HDAC9: variants seen among roughly 807,000 people sequenced by gnomAD.
HDAC9 encodes MEF-2 interacting transcription repressor (MITR) protein.
A neutral mutation model predicts 139.4 loss-of-function variants in HDAC9; 41 were observed. The ratio of observed to expected loss-of-function variants is 0.29; its 90% CI spans 0.23 to 0.38. HDAC9 has a LOEUF of 0.38. HDAC9 is among the 10% of genes least tolerant of loss of function. HDAC9 has a pLI of 1.00. For missense variants in HDAC9, 1,147 were observed against 1,297.0 expected (o/e 0.88, Z 1.78); for synonymous variants, 517 against 476.2 (o/e 1.09, Z -1.12).
chr7:18,976,517 G>T (rs910346586), intron 25 of HDAC9, among the ~76,000 whole-genome samples: 10 of 152,148 alleles, frequency 6.6e-5, no homozygotes, highest in Non-Finnish European at 1.0e-4. Context: ...TGAACTTGGG[G>T]CTGATTTTAT....
intron 1 of HDAC9, among the ~76,000 whole-genome samples, chr7:18,355,459 TA>T (rs1416580120): frequency 6.6e-6 from 1 of 152,130 alleles, no homozygotes; most frequent in African/African-American, 2.4e-5. Flanking sequence ...AATTTAGGAT[TA>T]AAAAAATTCT....
intron 1 of HDAC9, among the ~76,000 whole-genome samples, chr7:18,420,424 G>A (rs1693781257): frequency 6.6e-6 from 1 of 152,134 alleles, no homozygotes; most frequent in Non-Finnish European, 1.5e-5. Flanking sequence ...TGAAGGATAG[G>A]CCCTGGTATA....
chr7:18,627,016 AAT>A (rs1229066551), intron 6 of HDAC9, among the ~76,000 whole-genome samples: 2 of 152,124 alleles, frequency 1.3e-5, no homozygotes, highest in Non-Finnish European at 2.9e-5. Flanking sequence ...TAGTACCAAT[AAT>A]ATGTTTCATA....
At chr7:18,895,943 G>A (rs1328700491) in intron 22 of HDAC9, among the ~76,000 whole-genome samples, 1 of 152,056 alleles carries the variant, frequency 6.6e-6, no homozygotes, top group African/African-American at 2.4e-5. Flanking sequence ...TTTCTTAGGT[G>A]TGGATTTTGT....
At chr7:18,292,853 C>T (rs1797898335) in intron 1 of HDAC9, among the ~76,000 whole-genome samples, 1 of 152,034 alleles carries the variant, frequency 6.6e-6, no homozygotes, top group Non-Finnish European at 1.5e-5. Flanking sequence ...ATTTTAGAAA[C>T]CTGGAATTGA....
intron 2 of HDAC9, among the ~76,000 whole-genome samples, chr7:18,284,278 A>C (rs1245211802): frequency 6.6e-6 from 1 of 152,178 alleles, no homozygotes; most frequent in Non-Finnish European, 1.5e-5. Flanking sequence ...ACACATATGC[A>C]CACACATATG....
At chr7:18,359,973 G>C (rs932564493) in intron 1 of HDAC9, among the ~76,000 whole-genome samples, 2 of 152,084 alleles carry the variant, frequency 1.3e-5, no homozygotes, top group Admixed American at 1.3e-4. Flanking sequence ...TCTGCAGTTA[G>C]GGCTCCTGCT....
chr7:18,954,978 A>G (rs776153928), intron 24 of HDAC9, among the ~76,000 whole-genome samples: 1 of 151,992 alleles, frequency 6.6e-6, no homozygotes, highest in Non-Finnish European at 1.5e-5. Context: ...GAGTTAAATT[A>G]CCCATTTATT....
At chr7:18,510,790 A>G (rs937681675) in intron 2 of HDAC9, among the ~76,000 whole-genome samples, 3 of 152,194 alleles carry the variant, frequency 2.0e-5, no homozygotes, top group African/African-American at 2.4e-5. Flanking sequence ...GGGTGAATCA[A>G]TCTCTATGTA....
chr7:18,330,875 G>A (rs1024546779), intron 1 of HDAC9, among the ~76,000 whole-genome samples: 2 of 151,612 alleles, frequency 1.3e-5, no homozygotes, highest in Non-Finnish European at 3.0e-5. Flanking sequence ...GAAACAAATG[G>A]CAGAACAGTA....
intron 22 of HDAC9, among the ~76,000 whole-genome samples, chr7:18,932,848 A>AAAAAGAAAGAAAG (rs1554405267): frequency 7.2e-6 from 1 of 138,204 alleles, no homozygotes; most frequent in Non-Finnish European, 1.5e-5. Context: ...AGGAAGGAAA[A>AAAAAGAAAGAAAG]AAAGAAAGAA....
intron 1 of HDAC9, among the ~76,000 whole-genome samples, chr7:18,451,493 A>G (rs1000925464): frequency 6.6e-6 from 1 of 151,576 alleles, no homozygotes; most frequent in African/African-American, 2.4e-5. Flanking sequence ...ATATTGGATT[A>G]CATTAGATAG....
chr7:18,450,224 T>G (rs1190999925), intron 1 of HDAC9, among the ~76,000 whole-genome samples: 1 of 152,190 alleles, frequency 6.6e-6, no homozygotes, highest in East Asian at 1.9e-4. Context: ...TCAGCAAGAT[T>G]ATTGTGAAAT....
At chr7:18,946,520 T>C (rs1446748086) in intron 23 of HDAC9, among the ~76,000 whole-genome samples, 2 of 151,946 alleles carry the variant, frequency 1.3e-5, no homozygotes, top group Non-Finnish European at 2.9e-5. Context: ...CATATTAATA[T>C]CAGATAAAAA....
At chr7:18,532,652 T>G (rs1487241076) in intron 2 of HDAC9, among the ~76,000 whole-genome samples, 1 of 152,090 alleles carries the variant, frequency 6.6e-6, no homozygotes, top group Non-Finnish European at 1.5e-5. Flanking sequence ...TATCAAAACG[T>G]TATATATTGA....
intron 6 of HDAC9, among the ~76,000 whole-genome samples, chr7:18,604,553 C>A (rs537428005): frequency 6.6e-6 from 1 of 151,952 alleles, no homozygotes; most frequent in South Asian, 2.1e-4. Context: ...ACCACCACCA[C>A]GCCCAGCTAA....
chr7:18,398,541 G>A (rs1407781328), intron 1 of HDAC9, among the ~76,000 whole-genome samples: 2 of 151,886 alleles, frequency 1.3e-5, no homozygotes, highest in African/African-American at 4.8e-5. Context: ...TGGAAACATT[G>A]TGATGGACTT....
chr7:18,985,651 T>A (rs1785286876), intron 25 of HDAC9, among the ~76,000 whole-genome samples: 1 of 145,788 alleles, frequency 6.9e-6, no homozygotes, highest in Non-Finnish European at 1.5e-5. Flanking sequence ...CCACACTGAC[T>A]TCCACAATGG....
intron 16 of HDAC9, among the ~76,000 whole-genome samples, chr7:18,790,650 A>G (rs1792222077): frequency 6.6e-6 from 1 of 152,244 alleles, no homozygotes; most frequent in Admixed American, 6.5e-5. Flanking sequence ...GATTATATCC[A>G]CAAAACTTGA....
Sources: allele counts gnomAD v4.1 joint callset (sites outside exome capture counted in the v4.1 genomes callset), GRCh38; gene constraint gnomAD v4.1.1; transcripts MANE v1.5; gene names NCBI Gene and HGNC (gene_info 2026-07-23, HGNC 2026-07-21).